ST8SIA1: variants seen among roughly 807,000 people sequenced by gnomAD.
ST8SIA1 encodes the protein alpha-N-acetylneuraminide alpha-2,8-sialyltransferase.
Under a neutral mutation model 35.9 loss-of-function variants are expected in ST8SIA1, and 16 were observed. The ratio of observed to expected loss-of-function variants is 0.45; its 90% CI spans 0.30 to 0.68. The LOEUF is 0.68. Ranked by LOEUF, ST8SIA1 falls within the 30% of genes least tolerant of loss-of-function variation. The pLI, the probability that ST8SIA1 is intolerant of heterozygous loss-of-function variation, is 0.09. For synonymous variants in ST8SIA1, 170 were observed against 169.6 expected (o/e 1.00, Z -0.02); for missense variants, 383 against 453.6 (o/e 0.84, Z 1.41).
intron 2 of ST8SIA1, among the ~76,000 whole-genome samples, chr12:22,286,908 A>T (rs1343486308): frequency 6.6e-6 from 1 of 152,196 alleles, no homozygotes; most frequent in East Asian, 1.9e-4. Context: ...CTTCAGTCTC[A>T]TAGGACTCAA....
rs1041201070 is a variant in ST8SIA1, at chr12:22,265,069, T to C, written c.382-9680A>G. Among the ~76,000 whole-genome samples the C allele has an allele frequency of 7.9e-5, 12 of 152,254 alleles. No homozygotes were observed. The East Asian group carries it at 9.6e-4, about 12-fold the overall frequency. ...CATGTGGCATCAGTTCATGTGCCCA[T>C]GCAGCAGATTTATTAAACATTTCAT... is the stretch of plus-strand genomic sequence containing the variant. On this transcript the variant is annotated intron_variant, in intron 2 of 4. Coordinates refer to ENST00000396037, the MANE Select transcript of ST8SIA1 (RefSeq NM_003034.4).
intron 4 of ST8SIA1, among the ~76,000 whole-genome samples, chr12:22,220,486 A>G (rs1865284642): frequency 1.3e-5 from 2 of 152,190 alleles, no homozygotes; most frequent in Admixed American, 1.3e-4. Context: ...TTTGTCTTTC[A>G]TATACACACC....
rs1866816368 is a variant in ST8SIA1, at chr12:22,334,274, A to C, written c.-42T>G. 12 of 1,541,174 alleles carry C rather than the reference A, an allele frequency of 7.8e-6. No homozygotes were observed. Among genetic ancestry groups the C allele is most frequent in the Non-Finnish European group, 1.1e-5 (12 of 1,126,116 alleles). On this transcript the variant is annotated 5_prime_UTR_variant, in exon 1 of 5. Coordinates refer to ENST00000396037, the MANE Select transcript of ST8SIA1 (RefSeq NM_003034.4). ...CAGGGGCGGGGGCCGGGGCCTCAGCACAAAGCTAGGCGAAGTGGCAGCGGA... is the reference window on the plus strand; with the variant it reads ...CAGGGGCGGGGGCCGGGGCCTCAGCCCAAAGCTAGGCGAAGTGGCAGCGGA...
intron 4 of ST8SIA1, among the ~76,000 whole-genome samples, chr12:22,220,799 G>A (rs1351777047): frequency 6.7e-6 from 1 of 149,788 alleles, no homozygotes; most frequent in African/African-American, 2.4e-5. Context: ...ATCTGAGCTT[G>A]TCCTTGGGAC....
chr12:22,203,664 C>T (rs148416733), intron 4 of ST8SIA1, among the ~76,000 whole-genome samples: 2 of 152,252 alleles, frequency 1.3e-5, no homozygotes, highest in African/African-American at 2.4e-5. Context: ...CATGGAAGCA[C>T]ATTCAACCAT....
intron 1 of ST8SIA1, among the ~76,000 whole-genome samples, chr12:22,310,216 A>G (rs1319694159): frequency 6.6e-6 from 1 of 152,212 alleles, no homozygotes; most frequent in East Asian, 1.9e-4. Flanking sequence ...GCCCATCAAT[A>G]ATTGTTATTC....
At chr12:22,226,797 C>T (rs1017778646) in intron 4 of ST8SIA1, among the ~76,000 whole-genome samples, 1 of 152,208 alleles carries the variant, frequency 6.6e-6, no homozygotes, top group Non-Finnish European at 1.5e-5. Context: ...CAACTTTCAG[C>T]TCATCCTTTG....
intron 4 of ST8SIA1, among the ~76,000 whole-genome samples, chr12:22,222,379 G>A (rs371125136): frequency 1.3e-5 from 2 of 152,154 alleles, no homozygotes; most frequent in African/African-American, 2.4e-5. Context: ...TGCTCTACTC[G>A]AGTATTTTTA....
rs1009166111 is a variant in ST8SIA1, at chr12:22,199,030, A to G, written c.*2522T>C. The G allele has an allele frequency of 1.3e-5, 2 of 152,248 alleles. No individual in the cohort carries two copies. The highest frequency in any genetic ancestry group is 2.4e-5 in the African/African-American group (1 of 41,468). The allele number at this position is 152,248 out of a possible 1,614,324, so 9.4% of individuals were successfully genotyped here. A position where few individuals can be genotyped will look rare whatever the true frequency, so the allele number is the denominator to read the frequency against. ...ACTGGCCATTTCTGTTTTGCCTTTC[A>G]GAACCCACATGAAATAGTTTCACAA... On this transcript the variant is annotated 3_prime_UTR_variant, in exon 5 of 5. Coordinates refer to ENST00000396037, the MANE Select transcript of ST8SIA1 (RefSeq NM_003034.4).
At chr12:22,231,862 G>T (rs995263487) in intron 4 of ST8SIA1, among the ~76,000 whole-genome samples, 2 of 152,148 alleles carry the variant, frequency 1.3e-5, no homozygotes, top group Non-Finnish European at 2.9e-5. Context: ...AGACTGGGTT[G>T]TTGTGGTTTT....
At chr12:22,324,816 A>G (rs1790893208) in intron 1 of ST8SIA1, 1 of 152,152 alleles carries the variant, frequency 6.6e-6, no homozygotes, top group Non-Finnish European at 1.5e-5. Flanking sequence ...TGTCAGCAGC[A>G]TAATCTTTTT....
At chr12:22,221,634 T>G (rs780140192) in intron 4 of ST8SIA1, among the ~76,000 whole-genome samples, 2 of 152,182 alleles carry the variant, frequency 1.3e-5, no homozygotes, top group South Asian at 2.1e-4. Flanking sequence ...CAAACCACAG[T>G]AGACTGCAAA....
intron 2 of ST8SIA1, among the ~76,000 whole-genome samples, chr12:22,281,308 A>C (rs769416058): frequency 5.2e-4 from 79 of 152,328 alleles, no homozygotes; most frequent in Middle Eastern, 6.8e-3. Context: ...TATAAAATTC[A>C]TGCTGAGAAT....
intron 3 of ST8SIA1, chr12:22,250,885 A>C (rs1865661354): frequency 6.6e-6 from 1 of 152,192 alleles, no homozygotes; most frequent in Admixed American, 6.5e-5. Flanking sequence ...CTGAATGCCC[A>C]CTGAAAGCAA....
At chr12:22,295,400 G>A (rs1426301736) in intron 1 of ST8SIA1, among the ~76,000 whole-genome samples, 1 of 152,052 alleles carries the variant, frequency 6.6e-6, no homozygotes, top group African/African-American at 2.4e-5. Flanking sequence ...CAGGATATGG[G>A]AGCCCTCATA....
intron 4 of ST8SIA1, among the ~76,000 whole-genome samples, chr12:22,229,634 AAAAG>A (rs763125600): frequency 6.6e-6 from 1 of 151,360 alleles, no homozygotes; most frequent in Non-Finnish European, 1.5e-5. Flanking sequence ...AAAAAAAAAA[AAAAG>A]AATAACTTCA....
intron 2 of ST8SIA1, among the ~76,000 whole-genome samples, chr12:22,267,914 C>T (rs1865866104): frequency 6.6e-6 from 1 of 152,148 alleles, no homozygotes. Flanking sequence ...TGACCTATGT[C>T]ATCTTCCAGG....
At chr12:22,259,273 C>A (rs1173867384) in intron 2 of ST8SIA1, among the ~76,000 whole-genome samples, 2 of 149,472 alleles carry the variant, frequency 1.3e-5, no homozygotes, top group Non-Finnish European at 3.0e-5. Flanking sequence ...CCAAAGCCCT[C>A]AAACAAAAGT....
intron 4 of ST8SIA1, among the ~76,000 whole-genome samples, chr12:22,209,531 C>A (rs1865154178): frequency 6.6e-6 from 1 of 152,178 alleles, no homozygotes; most frequent in African/African-American, 2.4e-5. Flanking sequence ...CACTTTTATG[C>A]TTCAAATGGG....
Sources: allele counts gnomAD v4.1 joint callset (sites outside exome capture counted in the v4.1 genomes callset), GRCh38; gene constraint gnomAD v4.1.1; transcripts MANE v1.5; gene names NCBI Gene and HGNC (gene_info 2026-07-23, HGNC 2026-07-21).